The following NKAIN2 variants were observed in gnomAD, a reference collection of about 807,000 sequenced individuals.
NKAIN2 encodes sodium/potassium transporting ATPase interacting 2.
Under a neutral mutation model 32.6 loss-of-function variants are expected in NKAIN2, and 14 were observed. The observed-to-expected ratio is 0.43, with a 90% CI of 0.28 to 0.67. The LOEUF is 0.67. Ranked by LOEUF, NKAIN2 falls within the 30% of genes least tolerant of loss-of-function variation. The probability of loss-of-function intolerance (pLI) is 0.17; values close to 1 mark genes in which losing one functional copy is unlikely to be tolerated. For synonymous variants in NKAIN2, 80 were observed against 87.2 expected (o/e 0.92, Z 0.46); for missense variants, 198 against 258.3 (o/e 0.77, Z 1.60).
At chr6:124,099,557 A>G (rs2114945520) in intron 1 of NKAIN2, among the ~76,000 whole-genome samples, 1 of 152,338 alleles carries the variant, frequency 6.6e-6, no homozygotes, top group South Asian at 2.1e-4. Context: ...TAAAAGTCAA[A>G]TTCTTCTTGC....
At chr6:124,774,366 T>G (rs1778896717) in intron 4 of NKAIN2, among the ~76,000 whole-genome samples, 1 of 152,130 alleles carries the variant, frequency 6.6e-6, no homozygotes, top group Admixed American at 6.5e-5. Flanking sequence ...GTCCACAAGC[T>G]TGGGACTTAA....
At chr6:124,563,164 A>C (rs961672495) in intron 3 of NKAIN2, among the ~76,000 whole-genome samples, 25 of 151,994 alleles carry the variant, frequency 1.6e-4, no homozygotes, top group Non-Finnish European at 3.5e-4. Flanking sequence ...TTGGCCTCCC[A>C]ATGTGCTGGG....
intron 1 of NKAIN2, among the ~76,000 whole-genome samples, chr6:124,274,603 C>G (rs1434843330): frequency 2.0e-5 from 3 of 152,032 alleles, no homozygotes; most frequent in African/African-American, 4.8e-5. Context: ...TGTATTCTCT[C>G]TCATCATCAA....
At chr6:124,132,634 G>A (rs111345585) in intron 1 of NKAIN2, among the ~76,000 whole-genome samples, 2,707 of 152,298 alleles carry the variant, frequency 0.018, 68 homozygotes, top group African/African-American at 0.051. Context: ...CTTCACTGCT[G>A]GCATAACCAA....
chr6:124,044,279 AG>A (rs1300765571), intron 1 of NKAIN2, among the ~76,000 whole-genome samples: 1 of 151,994 alleles, frequency 6.6e-6, no homozygotes, highest in African/African-American at 2.4e-5. Context: ...TTTCCACCCT[AG>A]GCAAAGTTCT....
At chr6:124,380,180 T>C (rs1772567953) in intron 3 of NKAIN2, among the ~76,000 whole-genome samples, 1 of 152,154 alleles carries the variant, frequency 6.6e-6, no homozygotes, top group Admixed American at 6.5e-5. Context: ...GCAGCAGTAT[T>C]ATGACTGAAT....
intron 3 of NKAIN2, among the ~76,000 whole-genome samples, chr6:124,444,277 C>T (rs1454810691): frequency 6.6e-6 from 1 of 151,840 alleles, no homozygotes; most frequent in Non-Finnish European, 1.5e-5. Context: ...TTCTTAGGAC[C>T]CTTACAACTT....
chr6:124,371,821 C>T (rs11751246), intron 3 of NKAIN2, among the ~76,000 whole-genome samples: 32,069 of 151,426 alleles, frequency 0.21, 3,558 homozygotes, highest in Admixed American at 0.29. Flanking sequence ...ATGAGGGTTA[C>T]AACATTTTCC....
At chr6:124,723,033 G>A (rs919604244) in intron 4 of NKAIN2, among the ~76,000 whole-genome samples, 2 of 152,154 alleles carry the variant, frequency 1.3e-5, no homozygotes, top group African/African-American at 4.8e-5. Context: ...GTTAACGGGT[G>A]CCTGAGATGT....
chr6:124,136,642 A>C (rs1335584013), intron 1 of NKAIN2, among the ~76,000 whole-genome samples: 1 of 152,202 alleles, frequency 6.6e-6, no homozygotes, highest in Non-Finnish European at 1.5e-5. Context: ...ACAGCGTCTC[A>C]CAAAGATAAT....
intron 1 of NKAIN2, among the ~76,000 whole-genome samples, chr6:124,242,875 C>T (rs571295343): frequency 1.5e-4 from 17 of 110,634 alleles, no homozygotes; most frequent in African/African-American, 3.2e-4. Context: ...ACATCTCACA[C>T]GGGGGCATGT....
intron 3 of NKAIN2, among the ~76,000 whole-genome samples, chr6:124,424,950 A>C (rs1180054494): frequency 6.6e-6 from 1 of 152,158 alleles, no homozygotes; most frequent in East Asian, 1.9e-4. Flanking sequence ...GATCAATGGT[A>C]GTTCTATTTT....
rs1347564347 is a variant in NKAIN2 at position 124,818,424 on chromosome 6, A to G, written c.573A>G (p.Gln191=). ...GTGGCTTTGACTCTTATGGCTATCA[A>G]GGGCCTCAGAAGACATCTCATTTAC... is the stretch of plus-strand genomic sequence containing the variant. The part of the protein sequence containing the change: ...FIGGFDSYGY[Q]GPQKTSHLQL... The change falls in exon 6 of 7, where the codon CAA becomes CAG. Residue 191 remains glutamine (Q), a synonymous_variant. Transcript: ENST00000368417. 1 of 1,605,868 alleles carries G rather than the reference A, an allele frequency of 6.2e-7. No homozygotes were observed. Among genetic ancestry groups the G allele is most frequent in the Non-Finnish European group, 8.5e-7 (1 of 1,173,076 alleles).
chr6:124,286,681 CGTGTGT>C (rs142033167), intron 2 of NKAIN2, among the ~76,000 whole-genome samples: 32 of 130,668 alleles, frequency 2.4e-4, no homozygotes, highest in Admixed American at 7.4e-4. Context: ...TGTGCGCGCG[CGTGTGT>C]GTGTGTGTGT....
intron 3 of NKAIN2, among the ~76,000 whole-genome samples, chr6:124,414,018 T>C (rs1774345914): frequency 7.4e-6 from 1 of 135,086 alleles, no homozygotes; most frequent in African/African-American, 2.9e-5. Flanking sequence ...ACTTTGTTCG[T>C]TTGTTTTTTT....
chr6:123,898,264 G>A (rs1774380318), intron 1 of NKAIN2, among the ~76,000 whole-genome samples: 1 of 151,988 alleles, frequency 6.6e-6, no homozygotes, highest in Admixed American at 6.6e-5. Context: ...TTCCACATGA[G>A]CTGCCATCAC....
intron 3 of NKAIN2, among the ~76,000 whole-genome samples, chr6:124,586,638 A>T (rs1240657092): frequency 1.3e-5 from 2 of 151,898 alleles, no homozygotes; most frequent in African/African-American, 4.8e-5. Context: ...AGAGTTTCTT[A>T]AAAAAAAGTT....
At chr6:124,608,309 T>C (rs1782569857) in intron 3 of NKAIN2, among the ~76,000 whole-genome samples, 1 of 152,186 alleles carries the variant, frequency 6.6e-6, no homozygotes, top group Admixed American at 6.5e-5. Flanking sequence ...GCACTTTCCA[T>C]GTTATCAATG....
intron 3 of NKAIN2, among the ~76,000 whole-genome samples, chr6:124,397,409 C>G (rs1426186234): frequency 6.6e-6 from 1 of 151,968 alleles, no homozygotes; most frequent in Non-Finnish European, 1.5e-5. Context: ...TATAATTACT[C>G]CAAATAATAG....
Sources: allele counts gnomAD v4.1 joint callset (sites outside exome capture counted in the v4.1 genomes callset), GRCh38; gene constraint gnomAD v4.1.1; transcripts MANE v1.5; gene names NCBI Gene and HGNC (gene_info 2026-07-23, HGNC 2026-07-21).